The following NRXN1 variants were observed in gnomAD, a reference collection of about 807,000 sequenced individuals.
NRXN1 encodes neurexin-1.
NRXN1 carries 39 observed loss-of-function variants against 150.9 expected under a neutral mutation model. That is an observed-to-expected ratio of 0.26 (90% CI 0.20 to 0.34). The LOEUF (loss-of-function observed/expected upper bound fraction) is 0.34. Ranked by LOEUF, NRXN1 falls within the 10% of genes least tolerant of loss-of-function variation. NRXN1 has a pLI of 1.00. For synonymous variants in NRXN1, 924 were observed against 757.0 expected (o/e 1.22, Z -3.62); for missense variants, 1,815 against 1,949.9 (o/e 0.93, Z 1.30).
At chr2:50,068,964 T>C (rs991743399) in intron 19 of NRXN1, among the ~76,000 whole-genome samples, 1 of 152,174 alleles carries the variant, frequency 6.6e-6, no homozygotes, top group Non-Finnish European at 1.5e-5. Context: ...CAGAGGTTTA[T>C]GCATGCTACT....
In NRXN1 at chr2:50,423,317, C is replaced by A. The variant is rs114277001; in HGVS notation, c.3364+42125G>T. Among the ~76,000 whole-genome samples the A allele has an allele frequency of 6.0e-3, 907 of 152,192 alleles. 10 individuals carry two copies. The highest frequency in any genetic ancestry group is 0.02 in the African/African-American group (843 of 41,510). On this transcript the variant is annotated intron_variant, in intron 17 of 22. Transcript: ENST00000401669. ...CCTATTTGTGATTGATTGATTGGAT[C>A]CCCTCCTATCCAAACTCATTTTTAG...
At chr2:49,945,008 A>AT (rs1207489176) in intron 21 of NRXN1, 5 of 152,194 alleles carry the variant, frequency 3.3e-5, no homozygotes, top group Non-Finnish European at 7.3e-5. Context: ...ATGAACTTTT[A>AT]TAGAAAGTAT....
At chr2:51,011,056 G>GAGCC (rs1199920081) in intron 2 of NRXN1, among the ~76,000 whole-genome samples, 1 of 151,948 alleles carries the variant, frequency 6.6e-6, no homozygotes, top group Non-Finnish European at 1.5e-5. Context: ...TTACAGGAAT[G>GAGCC]AGCCACCCTG....
At chr2:50,678,117 C>T (rs2104776096) in intron 5 of NRXN1, among the ~76,000 whole-genome samples, 1 of 152,182 alleles carries the variant, frequency 6.6e-6, no homozygotes, top group Middle Eastern at 3.4e-3. Context: ...TTATTTAGAA[C>T]ATTCCACTTT....
chr2:50,283,614 T>C (rs1417659541), intron 17 of NRXN1, among the ~76,000 whole-genome samples: 2 of 152,162 alleles, frequency 1.3e-5, no homozygotes, highest in African/African-American at 2.4e-5. Context: ...ACTCCTCAAA[T>C]AGAACGATAT....
intron 5 of NRXN1, among the ~76,000 whole-genome samples, chr2:50,754,332 C>A (rs929881627): frequency 1.3e-5 from 2 of 151,814 alleles, no homozygotes; most frequent in Non-Finnish European, 2.9e-5. Flanking sequence ...TTATATCAAA[C>A]TGGCTTTAAG....
rs1707530972 is a variant in NRXN1 at position 50,143,295 on chromosome 2, T to C, written c.3547-51801A>G. On this transcript the variant is annotated intron_variant, in intron 18 of 22. Coordinates refer to ENST00000401669, the MANE Select transcript of NRXN1 (RefSeq NM_001330078.2). ...CAGAAAAGAAACATTGACCAATTAA[T>C]CTCATTAATGGGTACAGCTCGAAAA... 2.6e-5 allele frequency among the ~76,000 whole-genome samples: 4 copies of C among 151,982 alleles called. 1 individual carries two copies. The South Asian group carries it at 8.3e-4, about 32-fold the overall frequency.
Position 50,935,954 on chromosome 2 carries a change from A to G in NRXN1, c.773-9999T>C, listed in dbSNP as rs55713701. On this transcript the variant is annotated intron_variant, in intron 2 of 22. Coordinates refer to ENST00000401669, the MANE Select transcript of NRXN1 (RefSeq NM_001330078.2). ...AATGCTGGCCTGCTCCAAAGATTAA[A>G]TATCTTTAATGATTATAGAAAACTG... Among the ~76,000 whole-genome samples, 1,313 of 152,276 alleles carry G rather than the reference A, an allele frequency of 8.6e-3. 19 individuals are homozygous for G. Among genetic ancestry groups the G allele is most frequent in the African/African-American group, 0.03 (1,248 of 41,552 alleles).
intron 5 of NRXN1, among the ~76,000 whole-genome samples, chr2:50,859,420 A>C (rs1302783625): frequency 6.6e-6 from 1 of 152,056 alleles, no homozygotes; most frequent in Non-Finnish European, 1.5e-5. Flanking sequence ...TTCAGCTCAT[A>C]AAAGGGTTAT....
intron 21 of NRXN1, among the ~76,000 whole-genome samples, chr2:50,044,022 A>T (rs1691426388): frequency 6.6e-6 from 1 of 152,184 alleles, no homozygotes; most frequent in African/African-American, 2.4e-5. Flanking sequence ...AGTGGGGATG[A>T]GGATACTAAG....
chr2:50,327,938 T>A (rs2152980638), intron 17 of NRXN1, among the ~76,000 whole-genome samples: 1 of 152,262 alleles, frequency 6.6e-6, no homozygotes, highest in South Asian at 2.1e-4. Flanking sequence ...TGTGAGCCAC[T>A]GTGCCCGGCC....
intron 8 of NRXN1, among the ~76,000 whole-genome samples, chr2:50,614,048 A>C (rs920076030): frequency 6.6e-6 from 1 of 152,160 alleles, no homozygotes; most frequent in Non-Finnish European, 1.5e-5. Flanking sequence ...GGAAAGCAAA[A>C]AGCAACTGTC....
intron 17 of NRXN1, among the ~76,000 whole-genome samples, chr2:50,416,641 G>T (rs183674940): frequency 1.7e-3 from 257 of 152,202 alleles, no homozygotes; most frequent in African/African-American, 6.0e-3. Flanking sequence ...GGCTGGGAAG[G>T]CCTCAGGAAA....
chr2:50,862,460 T>A (rs1019925841), intron 5 of NRXN1, among the ~76,000 whole-genome samples: 2 of 152,050 alleles, frequency 1.3e-5, no homozygotes, highest in African/African-American at 4.8e-5. Context: ...TCATTTAACT[T>A]GGTACATGGA....
chr2:50,959,298 A>C (rs1451657915), intron 2 of NRXN1, among the ~76,000 whole-genome samples: 1 of 152,068 alleles, frequency 6.6e-6, no homozygotes, highest in Non-Finnish European at 1.5e-5. Context: ...TCACATAAAA[A>C]CTTGCTTATA....
intron 19 of NRXN1, among the ~76,000 whole-genome samples, chr2:50,060,243 G>C (rs1209370577): frequency 2.0e-5 from 3 of 152,154 alleles, no homozygotes; most frequent in Non-Finnish European, 2.9e-5. Flanking sequence ...TGGAGTCAAA[G>C]GAGATCATTT....
chr2:50,954,909 T>A (rs143531945), intron 2 of NRXN1, among the ~76,000 whole-genome samples: 2 of 151,988 alleles, frequency 1.3e-5, no homozygotes, highest in African/African-American at 4.8e-5. Flanking sequence ...CCTGGAGAGA[T>A]TGGTGTACAG....
At chr2:50,490,808 T>G (rs996853875) in intron 15 of NRXN1, among the ~76,000 whole-genome samples, 16 of 152,270 alleles carry the variant, frequency 1.1e-4, no homozygotes, top group African/African-American at 3.8e-4. Flanking sequence ...CCAGTATGAC[T>G]CCAAGAACAA....
At chr2:50,212,002 A>G (rs2063051572) in intron 18 of NRXN1, among the ~76,000 whole-genome samples, 1 of 151,730 alleles carries the variant, frequency 6.6e-6, no homozygotes, top group Admixed American at 6.6e-5. Flanking sequence ...ATACATCTTA[A>G]GAGCTACACT....
Sources: gnomAD v4.1 joint callset for allele counts (sites outside exome capture counted in the v4.1 genomes callset) on GRCh38, gnomAD v4.1.1 for gene constraint, MANE v1.5 for transcripts, NCBI Gene and HGNC (gene_info 2026-07-23, HGNC 2026-07-21) for gene names.